Variants in ALPK1 observed in about 807,000 individuals in gnomAD.
ALPK1 encodes alpha-protein kinase 1.
ALPK1 carries 110 observed loss-of-function variants against 120.6 expected under a neutral mutation model. The observed-to-expected ratio is 0.91, with a 90% CI of 0.78 to 1.07. The LOEUF (loss-of-function observed/expected upper bound fraction) is 1.07, where lower values mean the gene tolerates loss of function less well. Among genes scored for constraint, ALPK1 ranks in the 50% least tolerant of loss-of-function variants. The pLI, the probability that ALPK1 is intolerant of heterozygous loss-of-function variation, is 0.00. For missense variants in ALPK1, 1,498 were observed against 1,483.9 expected (o/e 1.01, Z -0.16); for synonymous variants, 582 against 560.3 (o/e 1.04, Z -0.55).
chr4:112,354,616 A>G (rs1730516307), intron 2 of ALPK1, among the ~76,000 whole-genome samples: 1 of 152,002 alleles, frequency 6.6e-6, no homozygotes, highest in African/African-American at 2.4e-5. Flanking sequence ...TACAAGCATG[A>G]GCCACCATAC....
At chr4:112,388,366 A>G (rs1316279236) in intron 4 of ALPK1, among the ~76,000 whole-genome samples, 2 of 152,226 alleles carry the variant, frequency 1.3e-5, no homozygotes, top group East Asian at 3.8e-4. Context: ...AAGAAAGCAA[A>G]GTATGAATTT....
intron 5 of ALPK1, among the ~76,000 whole-genome samples, chr4:112,420,748 G>A (rs1382572455): frequency 6.6e-6 from 1 of 152,072 alleles, no homozygotes; most frequent in Non-Finnish European, 1.5e-5. Context: ...TTTTCTCTTT[G>A]AGAATGGTTC....
chr4:112,402,699 A>G (rs1560672053), intron 4 of ALPK1, among the ~76,000 whole-genome samples: 1 of 152,222 alleles, frequency 6.6e-6, no homozygotes, highest in African/African-American at 2.4e-5. Flanking sequence ...CCATATCCAC[A>G]TATTTTTATG....
At chr4:112,320,558 T>C (rs987247469) in intron 2 of ALPK1, among the ~76,000 whole-genome samples, 1 of 152,214 alleles carries the variant, frequency 6.6e-6, no homozygotes, top group Non-Finnish European at 1.5e-5. Context: ...ATTGACTTTA[T>C]AGAATGATTT....
At chr4:112,344,802 G>A (rs1560645898) in intron 2 of ALPK1, among the ~76,000 whole-genome samples, 2 of 152,164 alleles carry the variant, frequency 1.3e-5, no homozygotes, top group Non-Finnish European at 2.9e-5. Flanking sequence ...TGTCTGAGGT[G>A]CACAGCATAG....
chr4:112,441,613 A>G lies in ALPK1; in HGVS notation c.*403A>G, dbSNP rs573409394. ...TGTGAGCCTTTGTGATACGAATTCAATTTGTTTTCCTGTCTTTTGACATTT... is the reference window on the plus strand; with the variant it reads ...TGTGAGCCTTTGTGATACGAATTCAGTTTGTTTTCCTGTCTTTTGACATTT... On this transcript the variant is annotated 3_prime_UTR_variant, in exon 16 of 16. Coordinates refer to ENST00000650871, the MANE Select transcript of ALPK1 (RefSeq NM_025144.4). The G allele has an allele frequency of 3.9e-5, 7 of 179,942 alleles. No homozygotes were observed. In the East Asian group the frequency reaches 1.0e-3, roughly 26 times the overall value. The allele number at this position is 179,942 out of a possible 1,614,324, so 11.1% of individuals were successfully genotyped here.
At chr4:112,394,741 G>A (rs1291887244) in intron 4 of ALPK1, among the ~76,000 whole-genome samples, 1 of 152,178 alleles carries the variant, frequency 6.6e-6, no homozygotes, top group Non-Finnish European at 1.5e-5. Context: ...CTAAATCTAT[G>A]GCATGAATTT....
At chr4:112,314,876 CT>C (rs763492984) in intron 1 of ALPK1, among the ~76,000 whole-genome samples, 4,904 of 99,748 alleles carry the variant, frequency 0.049, 46 homozygotes, top group East Asian at 0.17. Flanking sequence ...AATCCATTGC[CT>C]TTTTTTTTTT....
intron 2 of ALPK1, among the ~76,000 whole-genome samples, chr4:112,371,807 C>A (rs1239604072): frequency 6.6e-6 from 1 of 152,158 alleles, no homozygotes; most frequent in Admixed American, 6.5e-5. Flanking sequence ...AATATACATA[C>A]ATAAAAACGA....
At chr4:112,314,571 A>C (rs1236857858) in intron 1 of ALPK1, among the ~76,000 whole-genome samples, 1 of 152,236 alleles carries the variant, frequency 6.6e-6, no homozygotes, top group Admixed American at 6.5e-5. Context: ...CTGGATCATC[A>C]CATGATTATT....
At chr4:112,434,956 T>C (rs1011962279) in intron 11 of ALPK1, among the ~76,000 whole-genome samples, 192 bp from the exon 12 acceptor site, 5 of 152,232 alleles carry the variant, frequency 3.3e-5, no homozygotes, top group African/African-American at 1.2e-4. Context: ...TTATAAAGTG[T>C]TACTTTTTTA....
intron 2 of ALPK1, chr4:112,357,315 T>C (rs1229867644): frequency 6.4e-6 from 6 of 932,642 alleles, no homozygotes; most frequent in Non-Finnish European, 1.0e-5. Flanking sequence ...GCGGATATTG[T>C]CCAGATTGTG....
rs544354529 is a variant in ALPK1, at chr4:112,401,963, C to T, written c.277-9864C>T. On this transcript the variant is annotated intron_variant, in intron 4 of 15. Transcript: ENST00000650871. Reference sequence around the variant, plus strand: ...AGAAAGGTCAGCTTTTTCTTCTCACCTCCTTATCACATTTAGTGGGTGGAC... The same window carrying T: ...AGAAAGGTCAGCTTTTTCTTCTCACTTCCTTATCACATTTAGTGGGTGGAC... 5.9e-5 allele frequency among the ~76,000 whole-genome samples: 9 copies of T among 152,212 alleles called. No individual in the cohort carries two copies. The East Asian group carries it at 1.7e-3, about 29-fold the overall frequency.
intron 2 of ALPK1, among the ~76,000 whole-genome samples, chr4:112,338,026 G>A (rs1729698452): frequency 6.6e-6 from 1 of 152,190 alleles, no homozygotes. Context: ...GAGTGCAATG[G>A]CATGATCTCG....
chr4:112,364,553 G>A (rs373609060), intron 2 of ALPK1, among the ~76,000 whole-genome samples: 3 of 152,032 alleles, frequency 2.0e-5, no homozygotes, highest in African/African-American at 4.8e-5. Context: ...CAAGCAGTGA[G>A]ATTGAAATGG....
At position 112,441,189 on chromosome 4, in the gene ALPK1, T is replaced by G. The variant is rs775184952; in HGVS notation, c.3728-14T>G. On this transcript the variant is annotated splice_polypyrimidine_tract_variant and intron_variant, in intron 15 of 15. Transcript: ENST00000650871. ...TCTGGTGATGCTCGCAAATATCTGG[T>G]TCTCTCCTTCCAGGCACATAGAATA... 1 of 1,609,686 alleles carries G rather than the reference T, an allele frequency of 6.2e-7. No homozygotes were observed. Among genetic ancestry groups the G allele is most frequent in the South Asian group, 1.1e-5 (1 of 91,028 alleles).
chr4:112,438,571 G>T lies in ALPK1; in HGVS notation c.3276G>T (p.Val1092=), dbSNP rs769465733. Reference sequence around the variant, plus strand: ...GACAGATGACCGCACAGCACTATGTGACAGAATTTAACAAGAGACTCTATG... The same window carrying T: ...GACAGATGACCGCACAGCACTATGTTACAGAATTTAACAAGAGACTCTATG... The part of the protein sequence containing the change: ...VERQMTAQHY[V]TEFNKRLYEQ... The change falls in exon 13 of 16, where the codon GTG becomes GTT. Residue 1092 remains valine, a synonymous_variant. Coordinates refer to ENST00000650871, the MANE Select transcript of ALPK1 (RefSeq NM_025144.4). 1 of 1,613,840 alleles carries T rather than the reference G, an allele frequency of 6.2e-7. No individual in the cohort carries two copies. Among genetic ancestry groups the T allele is most frequent in the Non-Finnish European group, 8.5e-7 (1 of 1,179,812 alleles).
chr4:112,331,195 C>A (rs1373014633), intron 2 of ALPK1, among the ~76,000 whole-genome samples: 1 of 152,176 alleles, frequency 6.6e-6, no homozygotes, highest in East Asian at 1.9e-4. Context: ...TTCTTGAACT[C>A]ATCGAGGAAC....
At chr4:112,424,784 C>T (rs1010834) in intron 6 of ALPK1, among the ~76,000 whole-genome samples, 71,866 of 151,918 alleles carry the variant, frequency 0.47, 17,316 homozygotes, top group East Asian at 0.71. Context: ...CACACACACA[C>T]GCACGCACAC....
Sources: gnomAD v4.1 joint callset for allele counts (sites outside exome capture counted in the v4.1 genomes callset) on GRCh38, gnomAD v4.1.1 for gene constraint, MANE v1.5 for transcripts, NCBI Gene and HGNC (gene_info 2026-07-23, HGNC 2026-07-21) for gene names.